The following SELENBP1 variants were observed in gnomAD, a reference collection of about 807,000 sequenced individuals.
SELENBP1 encodes methanethiol oxidase.
SELENBP1 carries 71 observed loss-of-function variants against 61.0 expected under a neutral mutation model. The ratio of observed to expected loss-of-function variants is 1.16; its 90% CI spans 0.96 to 1.42. The LOEUF is 1.42. Ranked by LOEUF, SELENBP1 falls within the 40% of genes most tolerant of loss-of-function variation. The probability of loss-of-function intolerance (pLI) is 0.00; values close to 1 mark genes in which losing one functional copy is unlikely to be tolerated. For missense variants in SELENBP1, 561 were observed against 605.0 expected, an observed-to-expected ratio of 0.93 and a Z score of 0.76; for synonymous variants, 270 against 238.9, an observed-to-expected ratio of 1.13 and a Z score of -1.20.
chr1:151,367,714 C>T lies in SELENBP1; in HGVS notation c.481+485G>A, dbSNP rs573445457. On this transcript the variant is annotated intron_variant, in intron 5 of 11. Coordinates refer to ENST00000368868, the MANE Select transcript of SELENBP1 (RefSeq NM_003944.4). ...CACAGCTCATTGCAGCCTTGACCTC[C>T]CTGGGCTCGGGTGATCCTCCTACCT... Among the ~76,000 whole-genome samples, 68 of 152,286 alleles carry T rather than the reference C, an allele frequency of 4.5e-4. 2 individuals are homozygous for T. In the South Asian group the frequency reaches 0.013, roughly 29 times the overall value.
At position 151,366,698 on chromosome 1, in the gene SELENBP1, G is replaced by A. The variant is rs1157144452; in HGVS notation, c.664+24C>T. 1 of 1,608,958 alleles carries A rather than the reference G, an allele frequency of 6.2e-7. No individual in the cohort carries two copies. Among genetic ancestry groups the A allele is most frequent in the Non-Finnish European group, 8.5e-7 (1 of 1,176,194 alleles). Reference sequence around the variant, plus strand: ...AAGGGGATGTAGGCCCAAGGCTCCTGCTGGCACATGGGGGGATTCTCACCA... The same window carrying A: ...AAGGGGATGTAGGCCCAAGGCTCCTACTGGCACATGGGGGGATTCTCACCA... On this transcript the variant is annotated intron_variant, in intron 6 of 11. Transcript: ENST00000368868.
Position 151,372,681 on chromosome 1 carries a change from T to A in SELENBP1, c.-40A>T. 6.2e-7 allele frequency: 1 copy of A among 1,613,936 alleles called. No individual in the cohort carries two copies. The highest frequency in any genetic ancestry group is 8.5e-7 in the Non-Finnish European group (1 of 1,179,946). On this transcript the variant is annotated 5_prime_UTR_variant, in exon 1 of 12. Transcript: ENST00000368868. ...CACTTTGATCCCGGCGGGTTTGCTG[T>A]GCTGGTGTCAGAGGCCGCTGTTCCG...
intron 1 of SELENBP1, chr1:151,370,007 C>A: frequency 6.9e-7 from 1 of 1,439,958 alleles, no homozygotes; most frequent in Non-Finnish European, 9.1e-7. Flanking sequence ...TCCAGCAGGG[C>A]CCCGGGAGGG....
intron 1 of SELENBP1, chr1:151,370,243 TTGTC>T (rs760114978): frequency 2.3e-5 from 6 of 258,692 alleles, no homozygotes; most frequent in Non-Finnish European, 4.8e-5. Flanking sequence ...AGCTCTGTGT[TTGTC>T]TGGTCGAAGC....
chr1:151,369,406 G>A, intron 3 of SELENBP1, 36 bp downstream of exon 3: 1 of 1,567,266 alleles, frequency 6.4e-7, no homozygotes, highest in Non-Finnish European at 8.7e-7. Flanking sequence ...GGGCAGCTAT[G>A]GTCTCAAAGT....
intron 1 of SELENBP1, among the ~76,000 whole-genome samples, chr1:151,371,577 A>G (rs1652140853): frequency 6.6e-6 from 1 of 152,104 alleles, no homozygotes; most frequent in Non-Finnish European, 1.5e-5. Context: ...GTTCTGTTAC[A>G]CAATCTTGCT....
intron 5 of SELENBP1, among the ~76,000 whole-genome samples, chr1:151,367,810 G>A (rs960327753): frequency 4.6e-5 from 7 of 152,288 alleles, no homozygotes; most frequent in African/African-American, 1.7e-4. Flanking sequence ...TTTTAGTGCA[G>A]AGTTGCCAGT....
intron 1 of SELENBP1, chr1:151,370,118 G>A: frequency 1.3e-6 from 1 of 784,628 alleles, no homozygotes; most frequent in Non-Finnish European, 1.9e-6. Flanking sequence ...GGGGAGCTTG[G>A]GCAAAGTACT....
chr1:151,370,283 G>T, intron 1 of SELENBP1: 1 of 204,262 alleles, frequency 4.9e-6, no homozygotes. Context: ...TGTTCTTGAG[G>T]AGCTGCTCTC....
chr1:151,372,679 TG>T lies in SELENBP1; in HGVS notation c.-39del. The stretch of plus-strand genomic sequence containing the variant: ...TACACTTTGATCCCGGCGGGTTTGC[TG>T]TGCTGGTGTCAGAGGCCGCTGTTCC... On this transcript the variant is annotated 5_prime_UTR_variant, in exon 1 of 12. Coordinates refer to ENST00000368868, the MANE Select transcript of SELENBP1 (RefSeq NM_003944.4). 1 of 1,613,982 alleles carries T rather than the reference TG, an allele frequency of 6.2e-7. No individual in the cohort carries two copies. The highest frequency in any genetic ancestry group is 8.5e-7 in the Non-Finnish European group (1 of 1,179,954).
Position 151,368,299 on chromosome 1 carries a change from G to C in SELENBP1, c.381C>G (p.Ile127Met). The C allele has an allele frequency of 1.2e-6, 2 of 1,614,212 alleles. No homozygotes were observed. The highest frequency in any genetic ancestry group is 1.7e-6 in the Non-Finnish European group (2 of 1,180,038). ...KLHKVIEPKD[I>M]HAKCELAFLH... is the part of the protein sequence containing the mutation. ...GAAAGGCCAGTTCGCACTTGGCATGGATGTCCTTGGGCTCAATGACCTGGA... is the reference window on the plus strand; with the variant it reads ...GAAAGGCCAGTTCGCACTTGGCATGCATGTCCTTGGGCTCAATGACCTGGA... Residue 127 changes from isoleucine (I) to methionine (M), a missense_variant, in exon 5 of 12, where the codon ATC becomes ATG. By Grantham distance (10) the Ile-to-Met change is conservative. Transcript: ENST00000368868.
chr1:151,366,695 C>T lies in SELENBP1; in HGVS notation c.664+27G>A, dbSNP rs765653107. On this transcript the variant is annotated intron_variant, in intron 6 of 11. Coordinates refer to ENST00000368868, the MANE Select transcript of SELENBP1 (RefSeq NM_003944.4). ...AGCAAGGGGATGTAGGCCCAAGGCT[C>T]CTGCTGGCACATGGGGGGATTCTCA... is the stretch of plus-strand genomic sequence containing the variant. 4.4e-6 allele frequency: 7 copies of T among 1,608,374 alleles called. No individual in the cohort carries two copies. The South Asian group carries it at 6.6e-5, about 15-fold the overall frequency.
At position 151,364,974 on chromosome 1, in the gene SELENBP1, G is replaced by T; in HGVS notation, c.1208C>A (p.Thr403Lys). The change falls in exon 11 of 12, where the codon ACG becomes AAG. Residue 403 changes from threonine (T) to lysine (K), a missense_variant. Transcript: ENST00000368868. ...SLDGKRLYIT[T>K]SLYSAWDKQF... is the part of the protein sequence containing the mutation. ...CTTGTCCCAGGCACTGTACAGCGAC[G>T]TGGTGATGTAGAGGCGCTTCCCATC... The T allele has an allele frequency of 6.2e-7, 1 of 1,613,852 alleles. No individual in the cohort carries two copies. Among genetic ancestry groups the T allele is most frequent in the Non-Finnish European group, 8.5e-7 (1 of 1,179,928 alleles).
intron 1 of SELENBP1, among the ~76,000 whole-genome samples, chr1:151,370,580 C>T (rs1362266137): frequency 3.9e-5 from 6 of 152,218 alleles, no homozygotes; most frequent in African/African-American, 1.4e-4. Context: ...CTCCCTATCT[C>T]TGAAGTCTGG....
At chr1:151,368,096 G>A in intron 5 of SELENBP1, 103 bp downstream of exon 5, 1 of 1,484,074 alleles carries the variant, frequency 6.7e-7, no homozygotes, top group South Asian at 1.3e-5. Context: ...TCCTTGGGAA[G>A]TCATTCCAAC....
Position 151,365,037 on chromosome 1 carries a change from C to T in SELENBP1, c.1145G>A (p.Arg382Gln), listed in dbSNP as rs544356174. The change falls in exon 11 of 12, where the codon CGG (arginine) becomes CAG (glutamine). Residue 382 changes from arginine (R) to glutamine (Q), a missense_variant. Transcript: ENST00000368868. ...QPEPLVVKGKRVAGGPQMIQL... is the reference protein window; with the variant it reads ...QPEPLVVKGKQVAGGPQMIQL... ...GATCATCTGAGGGCCTCCAGCCACC[C>T]GTTTTCCCTTGGGAAAACCAGGGGT... is the stretch of plus-strand genomic sequence containing the variant. 56 of 1,606,842 alleles carry T rather than the reference C, an allele frequency of 3.5e-5. No homozygotes were observed. Among genetic ancestry groups the T allele is most frequent in the East Asian group, 8.9e-5 (4 of 44,732 alleles).
In SELENBP1 at chr1:151,365,639, T is replaced by C. The variant is rs1571279518; in HGVS notation, c.968A>G (p.Tyr323Cys). The C allele has an allele frequency of 1.2e-6, 2 of 1,614,112 alleles. No homozygotes were observed. The highest frequency in any genetic ancestry group is 1.7e-6 in the Non-Finnish European group (2 of 1,180,010). ...GTCCCCATGCAGCCAGTTGCTGAAG[T>C]AGAGGAAGCGGTCGTCCAGGGAGAG... ...ILLSLDDRFL[Y>C]FSNWLHGDLR... The change falls in exon 9 of 12, where the codon TAC becomes TGC. Residue 323 changes from tyrosine to cysteine, a missense_variant. By Grantham distance (194) the Tyr-to-Cys change is radical. Coordinates refer to ENST00000368868, the MANE Select transcript of SELENBP1 (RefSeq NM_003944.4).
Position 151,366,201 on chromosome 1 carries a change from C to G in SELENBP1, c.843+74G>C, listed in dbSNP as rs1324298978. The stretch of plus-strand genomic sequence containing the variant: ...TCGTTCCTGGAGACGCCTGGGAGCA[C>G]CGTTACAGAAGCCTGCTTAGGTAGA... On this transcript the variant is annotated intron_variant, in intron 7 of 11. Coordinates refer to ENST00000368868, the MANE Select transcript of SELENBP1 (RefSeq NM_003944.4). 2.0e-6 allele frequency: 3 copies of G among 1,535,592 alleles called. No homozygotes were observed. The African/African-American group carries it at 4.1e-5, about 21-fold the overall frequency.
At position 151,368,272 on chromosome 1, in the gene SELENBP1, G is replaced by A; in HGVS notation, c.408C>T (p.Leu136=). 1.9e-6 allele frequency: 3 copies of A among 1,614,220 alleles called. No homozygotes were observed. In the South Asian group the frequency reaches 3.3e-5, roughly 18 times the overall value. ...DIHAKCELAF[L]HTSHCLASGE... is the part of the protein sequence containing the mutation. Reference sequence around the variant, plus strand: ...CGCTGGCCAGGCAGTGGCTGGTGTGGAGAAAGGCCAGTTCGCACTTGGCAT... The same window carrying A: ...CGCTGGCCAGGCAGTGGCTGGTGTGAAGAAAGGCCAGTTCGCACTTGGCAT... Residue 136 remains leucine, a synonymous_variant, in exon 5 of 12, where the codon CTC becomes CTT. Transcript: ENST00000368868.
Sources: gnomAD v4.1 joint callset for allele counts (sites outside exome capture counted in the v4.1 genomes callset) on GRCh38, gnomAD v4.1.1 for gene constraint, MANE v1.5 for transcripts, NCBI Gene and HGNC (gene_info 2026-07-23, HGNC 2026-07-21) for gene names.